PTCH2: variants seen among roughly 807,000 people sequenced by gnomAD.
The protein encoded by PTCH2 is patched 2.
In PTCH2, 96 loss-of-function variants were observed where a neutral mutation model predicts 117.9. The observed-to-expected ratio is 0.81, with a 90% CI of 0.69 to 0.96. PTCH2 has a LOEUF of 0.96. PTCH2 is among the 50% of genes least tolerant of loss of function. PTCH2 has a pLI of 0.00. For synonymous variants in PTCH2, 615 were observed against 660.9 expected, an observed-to-expected ratio of 0.93 and a Z score of 1.06; for missense variants, 1,379 against 1,562.5, an observed-to-expected ratio of 0.88 and a Z score of 1.98.
Position 44,831,766 on chromosome 1 carries a change from AGGATCACGCAC to A in PTCH2, c.546_556del (p.Cys183HisfsTer46), listed in dbSNP as rs1653456804. 1.3e-6 allele frequency: 2 copies of A among 1,591,802 alleles called. No individual in the cohort carries two copies. Among genetic ancestry groups the A allele is most frequent in the Non-Finnish European group, 1.7e-6 (2 of 1,169,010 alleles). On this transcript the variant is annotated frameshift_variant, in exon 5 of 22. Coordinates refer to ENST00000372192, the MANE Select transcript of PTCH2 (RefSeq NM_003738.5). LOFTEE classifies it high-confidence loss of function. This position sits in a 1 kb window ranked among gnomAD's most constrained non-coding sequence, Gnocchi z 4.3. ...CTCCCAGAAGCAGTCGAGGGGGGTG[AGGATCACGCAC>A]GGAAACAGCTTCTCAATCATCTGCC... is the stretch of plus-strand genomic sequence containing the variant.
rs1351903435 is a variant in PTCH2 at position 44,826,398 on chromosome 1, C to G, written c.2977-11G>C. The G allele has an allele frequency of 6.2e-7, 1 of 1,614,072 alleles. No individual in the cohort carries two copies. Among genetic ancestry groups the G allele is most frequent in the Non-Finnish European group, 8.5e-7 (1 of 1,180,032 alleles). On this transcript the variant is annotated splice_polypyrimidine_tract_variant and intron_variant, in intron 18 of 21. Coordinates refer to ENST00000372192, the MANE Select transcript of PTCH2 (RefSeq NM_003738.5). The surrounding 1 kb of genome is among the most constrained non-coding windows in gnomAD (Gnocchi z 5.1). The stretch of plus-strand genomic sequence containing the variant: ...CGCCAGGACCAGCACCTGAGGGAGA[C>G]AGGGCTCACAGAGGGCTCCTGGCAG...
intron 2 of PTCH2, among the ~76,000 whole-genome samples, chr1:44,840,201 C>G (rs1479789879): frequency 6.6e-6 from 1 of 150,554 alleles, no homozygotes; most frequent in Non-Finnish European, 1.5e-5. Flanking sequence ...CTCCCAGGTT[C>G]AAGCAATTCT....
At chr1:44,839,298 G>T (rs569047690) in intron 2 of PTCH2, among the ~76,000 whole-genome samples, 2 of 140,180 alleles carry the variant, frequency 1.4e-5, no homozygotes, top group Non-Finnish European at 3.0e-5. Context: ...GGAGGCGGAG[G>T]TTGCAGTGAG....
Position 44,830,843 on chromosome 1 carries a change from C to A in PTCH2, c.813+5G>T. On this transcript the variant is annotated splice_donor_5th_base_variant and intron_variant, in intron 6 of 21. Coordinates refer to ENST00000372192, the MANE Select transcript of PTCH2 (RefSeq NM_003738.5). ...CTTTCCCTGGCAGACCTGGTTGGAA[C>A]CCACCTGCCTGCTGTGATGGTTGGG... 1 of 1,541,126 alleles carries A rather than the reference C, an allele frequency of 6.5e-7. No homozygotes were observed. Among genetic ancestry groups the A allele is most frequent in the Non-Finnish European group, 8.8e-7 (1 of 1,137,190 alleles).
chr1:44,838,610 A>G (rs763323575), intron 2 of PTCH2, among the ~76,000 whole-genome samples: 4 of 150,866 alleles, frequency 2.7e-5, no homozygotes, highest in Non-Finnish European at 1.5e-5. Context: ...AGGAAAGACA[A>G]ACAAGTCAAA....
At chr1:44,827,340 C>T in intron 15 of PTCH2, 31 bp from the exon 16 acceptor site, 2 of 1,613,666 alleles carry the variant, frequency 1.2e-6, no homozygotes, top group Non-Finnish European at 1.7e-6. Flanking sequence ...GTTCTATTAG[C>T]TGGTGGCCCC....
chr1:44,842,509 C>T (rs894876446), intron 1 of PTCH2, among the ~76,000 whole-genome samples: 2 of 152,144 alleles, frequency 1.3e-5, no homozygotes, highest in Non-Finnish European at 2.9e-5. Context: ...GAACTCCTGA[C>T]CTCAGGTAAT....
chr1:44,822,772 C>T, intron 21 of PTCH2, 103 bp from the exon 22 acceptor site: 1 of 1,272,668 alleles, frequency 7.9e-7, no homozygotes, highest in South Asian at 1.2e-5. Flanking sequence ...AGCTGGGGCC[C>T]TTGTTGGTCT....
At chr1:44,828,941 G>A in intron 11 of PTCH2, 41 bp downstream of exon 11, 1 of 1,538,620 alleles carries the variant, frequency 6.5e-7, no homozygotes, top group Non-Finnish European at 8.8e-7. Flanking sequence ...TAACCAGTAA[G>A]CTGAGCTGCC....
In PTCH2 at chr1:44,832,448, C is replaced by A. The variant is rs1042683345; in HGVS notation, c.266-107G>T. ...CCTCCCCAGACAAGTGGGAGAGGTG[C>A]GGCAGAGAGGAGTCCCTGCCTTATC... On this transcript the variant is annotated intron_variant, in intron 2 of 21. Coordinates refer to ENST00000372192, the MANE Select transcript of PTCH2 (RefSeq NM_003738.5). The A allele has an allele frequency of 6.8e-6, 8 of 1,183,874 alleles. No individual in the cohort carries two copies. The East Asian group carries it at 1.4e-4, about 21-fold the overall frequency. 73.3% of individuals were successfully genotyped at this position (1,183,874 alleles called of 1,614,324 possible).
At chr1:44,841,759 C>T (rs1400878685) in intron 2 of PTCH2, 88 bp downstream of exon 2, 1 of 1,479,010 alleles carries the variant, frequency 6.8e-7, no homozygotes, top group Non-Finnish European at 9.4e-7. Context: ...AGGGCCAGGC[C>T]TGCTAGAGCT....
chr1:44,838,294 T>C (rs779867242), intron 2 of PTCH2, among the ~76,000 whole-genome samples: 1 of 152,040 alleles, frequency 6.6e-6, no homozygotes. Flanking sequence ...CAGGCTGGAG[T>C]ACAAAGACGC....
rs139683072 is a variant in PTCH2, at chr1:44,827,264, G to T, written c.2417C>A (p.Thr806Asn). The T allele has an allele frequency of 6.2e-7, 1 of 1,613,954 alleles. No homozygotes were observed. The highest frequency in any genetic ancestry group is 2.2e-5 in the East Asian group (1 of 44,892). The change falls in exon 16 of 22, where the codon ACC becomes AAC. Residue 806 changes from threonine to asparagine, a missense_variant. Coordinates refer to ENST00000372192, the MANE Select transcript of PTCH2 (RefSeq NM_003738.5). ...AGAGCCATTGCGGTACGAGTGGCGG[G>T]TGATGCGCCCAGAAGCCCAGTCCTG... ...FDQDWASGRI[T>N]RHSYRNGSED... is the part of the protein sequence containing the mutation.
At chr1:44,832,454 A>T in intron 2 of PTCH2, 113 bp from the exon 3 acceptor site, 1 of 1,105,640 alleles carries the variant, frequency 9.0e-7, no homozygotes, top group Non-Finnish European at 1.3e-6. Flanking sequence ...GGTGCGGCAG[A>T]GAGGAGTCCC....
At chr1:44,829,583 G>T in intron 8 of PTCH2, 31 bp downstream of exon 8, 1 of 1,614,194 alleles carries the variant, frequency 6.2e-7, no homozygotes, top group Non-Finnish European at 8.5e-7. Flanking sequence ...AATGGCCTCA[G>T]GGCACCCCCC....
Position 44,831,168 on chromosome 1 carries a change from TGTGC to T in PTCH2, c.618-129_618-126del, listed in dbSNP as rs1653430745. On this transcript the variant is annotated intron_variant, in intron 5 of 21. Coordinates refer to ENST00000372192, the MANE Select transcript of PTCH2 (RefSeq NM_003738.5). The surrounding 1 kb of genome is among the most constrained non-coding windows in gnomAD (Gnocchi z 4.3). ...CCGATTTGTCCTTCCATATGGAGGG[TGTGC>T]AAGCCTCAGCTTCTCAGAACTGCCA... The T allele has an allele frequency of 1.0e-6, 1 of 1,001,908 alleles. No individual in the cohort carries two copies. The highest frequency in any genetic ancestry group is 1.6e-5 in the South Asian group (1 of 62,626). 62.1% of individuals were successfully genotyped at this position (1,001,908 alleles called of 1,614,324 possible).
Position 44,822,191 on chromosome 1 carries a change from C to T in PTCH2, c.*224G>A, listed in dbSNP as rs1652936343. On this transcript the variant is annotated 3_prime_UTR_variant, in exon 22 of 22. Coordinates refer to ENST00000372192, the MANE Select transcript of PTCH2 (RefSeq NM_003738.5). ...GCTGCACTGCAGCCCCAAGTGCCAG[C>T]TTTCACTCTCAAGTGACACAGATAC... The T allele has an allele frequency of 2.8e-6, 4 of 1,438,566 alleles. No individual in the cohort carries two copies. Among genetic ancestry groups the T allele is most frequent in the African/African-American group, 2.9e-5 (2 of 69,868 alleles). The allele number at this position is 1,438,566 out of a possible 1,614,324, so 89.1% of individuals were successfully genotyped here. A position where few individuals can be genotyped will look rare whatever the true frequency, so the allele number is the denominator to read the frequency against.
At chr1:44,841,279 GCTATTGCC>G (rs1310307701) in intron 2 of PTCH2, among the ~76,000 whole-genome samples, 1 of 150,714 alleles carries the variant, frequency 6.6e-6, no homozygotes, top group Non-Finnish European at 1.5e-5. Flanking sequence ...TCTGACCCTG[GCTATTGCC>G]TCAAAGTGTG....
At chr1:44,825,671 C>T (rs1466852768) in intron 19 of PTCH2, among the ~76,000 whole-genome samples, 1 of 151,904 alleles carries the variant, frequency 6.6e-6, no homozygotes, top group Non-Finnish European at 1.5e-5. Context: ...GGATTACAGG[C>T]ATGAGCCACC....
Sources: gnomAD v4.1 joint callset for allele counts (sites outside exome capture counted in the v4.1 genomes callset) on GRCh38, gnomAD v4.1.1 for gene constraint, Gnocchi (gnomAD v3.1) non-coding constraint, MANE v1.5 for transcripts, NCBI Gene and HGNC (gene_info 2026-07-23, HGNC 2026-07-21) for gene names.